Variants in CLSTN2 observed in about 807,000 individuals in gnomAD.
CLSTN2 encodes calsyntenin 2.
A neutral mutation model predicts 101.2 loss-of-function variants in CLSTN2; 48 were observed. That is an observed-to-expected ratio of 0.47 (90% CI 0.38 to 0.60). The LOEUF (loss-of-function observed/expected upper bound fraction) is 0.60, where lower values mean the gene tolerates loss of function less well. Ranked by LOEUF, CLSTN2 falls within the 20% of genes least tolerant of loss-of-function variation. The pLI is 0.00. For synonymous variants in CLSTN2, 481 were observed against 463.6 expected, an observed-to-expected ratio of 1.04 and a Z score of -0.48; for missense variants, 1,160 against 1,238.2, an observed-to-expected ratio of 0.94 and a Z score of 0.95.
At chr3:140,510,432 G>A (rs349503) in intron 8 of CLSTN2, among the ~76,000 whole-genome samples, 17,941 of 152,202 alleles carry the variant, frequency 0.12, 1,631 homozygotes, top group East Asian at 0.3. Context: ...CATAATAAAG[G>A]TGTGCTTACT....
At chr3:140,347,919 G>T (rs1002137532) in intron 2 of CLSTN2, among the ~76,000 whole-genome samples, 1 of 152,224 alleles carries the variant, frequency 6.6e-6, no homozygotes, top group Admixed American at 6.5e-5. Context: ...GAGCTAGGTT[G>T]AGAAGGATTC....
At chr3:140,322,716 G>A (rs1335543682) in intron 2 of CLSTN2, among the ~76,000 whole-genome samples, 1 of 152,220 alleles carries the variant, frequency 6.6e-6, no homozygotes, top group African/African-American at 2.4e-5. Context: ...CAACTGGAAT[G>A]CTGTCACTCC....
In CLSTN2 at chr3:140,566,181, C is replaced by A. The variant is rs147060911; in HGVS notation, c.2796C>A (p.Gly932=). 3.0e-3 allele frequency: 4,796 copies of A among 1,609,450 alleles called. 13 individuals are homozygous for A. The highest frequency in any genetic ancestry group is 3.9e-3 in the Non-Finnish European group (4,588 of 1,177,778). The change falls in exon 17 of 17, where the codon GGC becomes GGA. Residue 932 remains glycine, a synonymous_variant. Coordinates refer to ENST00000458420, the MANE Select transcript of CLSTN2 (RefSeq NM_022131.3). ...SEEEEEEEGM[G]RGRHGQNGAR... is the part of the protein sequence containing the mutation. Reference sequence around the variant, plus strand: ...AGGAGGAGGAGGAGGAAGGGATGGGCAGAGGCAGACATGGGCAGAATGGAG... The same window carrying A: ...AGGAGGAGGAGGAGGAAGGGATGGGAAGAGGCAGACATGGGCAGAATGGAG...
intron 8 of CLSTN2, among the ~76,000 whole-genome samples, chr3:140,484,854 C>T (rs1290781896): frequency 6.6e-6 from 1 of 152,094 alleles, no homozygotes; most frequent in Non-Finnish European, 1.5e-5. Flanking sequence ...TCTAGTTAGC[C>T]ATTCGTCTTA....
chr3:140,368,545 T>G (rs530896983), intron 2 of CLSTN2, among the ~76,000 whole-genome samples: 1 of 152,316 alleles, frequency 6.6e-6, no homozygotes, highest in Non-Finnish European at 1.5e-5. Flanking sequence ...GGGTGGTATC[T>G]ATGTCCCTGG....
intron 1 of CLSTN2, among the ~76,000 whole-genome samples, chr3:139,947,590 A>G (rs1183628289): frequency 1.3e-5 from 2 of 152,200 alleles, no homozygotes; most frequent in African/African-American, 4.8e-5. Context: ...GTAGGAAAGA[A>G]AGCTAAAATT....
chr3:140,226,341 A>C (rs1447404362), intron 2 of CLSTN2, among the ~76,000 whole-genome samples: 1 of 152,226 alleles, frequency 6.6e-6, no homozygotes, highest in Non-Finnish European at 1.5e-5. Context: ...ATTGTGCTAT[A>C]GCTTTGCAAG....
chr3:140,190,438 CAAAAAAAAAA>C (rs35206840), intron 2 of CLSTN2, among the ~76,000 whole-genome samples: 6 of 82,942 alleles, frequency 7.2e-5, no homozygotes, highest in Admixed American at 7.0e-4. Flanking sequence ...TCTATAGCTA[CAAAAAAAAAA>C]AAAAAAAAAA....
chr3:140,267,529 A>G (rs1238221260), intron 2 of CLSTN2, among the ~76,000 whole-genome samples: 1 of 152,230 alleles, frequency 6.6e-6, no homozygotes, highest in Non-Finnish European at 1.5e-5. Context: ...AGAGAGATAC[A>G]GGCAATAGCA....
chr3:140,032,600 G>A (rs2007576639), intron 1 of CLSTN2, among the ~76,000 whole-genome samples: 1 of 152,074 alleles, frequency 6.6e-6, no homozygotes, highest in Admixed American at 6.5e-5. Context: ...GGCTCCCAAA[G>A]TGCTGGGATA....
intron 8 of CLSTN2, among the ~76,000 whole-genome samples, chr3:140,483,708 T>C (rs1336866093): frequency 6.6e-6 from 1 of 152,156 alleles, no homozygotes; most frequent in Non-Finnish European, 1.5e-5. Flanking sequence ...TGGCCTTCTT[T>C]GTCTCTTTTG....
chr3:140,287,802 G>A (rs1013774529), intron 2 of CLSTN2, among the ~76,000 whole-genome samples: 1 of 152,130 alleles, frequency 6.6e-6, no homozygotes, highest in Non-Finnish European at 1.5e-5. Flanking sequence ...GGCAGAGCCA[G>A]CATTCTAAGA....
At chr3:140,405,639 A>G (rs1197891061) in intron 4 of CLSTN2, among the ~76,000 whole-genome samples, 4 of 152,216 alleles carry the variant, frequency 2.6e-5, no homozygotes, top group Non-Finnish European at 4.4e-5. Context: ...ACTGAACAAG[A>G]CTGGAAGCAT....
intron 8 of CLSTN2, among the ~76,000 whole-genome samples, chr3:140,478,849 AAAGGAAGGAAGGAAGGGGGAAGGAGG>A (rs1934048663): frequency 7.1e-6 from 1 of 140,414 alleles, no homozygotes; most frequent in Non-Finnish European, 1.5e-5. Context: ...AGAGAGGAAG[AAAGGAAGGAAGGAAGGGGGAAGGAGG>A]AAGGAAGGAA....
intron 1 of CLSTN2, among the ~76,000 whole-genome samples, chr3:139,938,448 T>C (rs9809477): frequency 0.061 from 9,351 of 152,328 alleles, 336 homozygotes; most frequent in Non-Finnish European, 0.082. Flanking sequence ...ACAGAATCAC[T>C]GTACTTTCAG....
chr3:140,109,525 A>T (rs2009118099), intron 1 of CLSTN2, among the ~76,000 whole-genome samples: 1 of 152,154 alleles, frequency 6.6e-6, no homozygotes. Context: ...CCAGGAATGG[A>T]TACAGTGGGG....
chr3:139,986,584 G>T (rs558825566), intron 1 of CLSTN2, among the ~76,000 whole-genome samples: 1 of 152,094 alleles, frequency 6.6e-6, no homozygotes, highest in African/African-American at 2.4e-5. Context: ...TCTGGTTTCC[G>T]TTCTCCTTCC....
intron 4 of CLSTN2, among the ~76,000 whole-genome samples, chr3:140,415,694 T>G (rs1024286247): frequency 6.6e-6 from 1 of 152,130 alleles, no homozygotes; most frequent in East Asian, 1.9e-4. Context: ...AAAAAGTCCA[T>G]GAGGAGAAGC....
intron 2 of CLSTN2, among the ~76,000 whole-genome samples, chr3:140,397,336 G>A (rs2088193499): frequency 6.6e-6 from 1 of 152,072 alleles, no homozygotes; most frequent in South Asian, 2.1e-4. Context: ...TATTATTGTA[G>A]ATAATATTAA....
Sources: gnomAD v4.1 joint callset for allele counts (sites outside exome capture counted in the v4.1 genomes callset) on GRCh38, gnomAD v4.1.1 for gene constraint, MANE v1.5 for transcripts, NCBI Gene and HGNC (gene_info 2026-07-23, HGNC 2026-07-21) for gene names.